CDH13: variants seen among roughly 807,000 people sequenced by gnomAD.
CDH13 encodes the protein cadherin-13.
A neutral mutation model predicts 63.8 loss-of-function variants in CDH13; 24 were observed. The ratio of observed to expected loss-of-function variants is 0.38; its 90% CI spans 0.27 to 0.53. The LOEUF (loss-of-function observed/expected upper bound fraction) is 0.53, where lower values mean the gene tolerates loss of function less well. Ranked by LOEUF, CDH13 falls within the 20% of genes least tolerant of loss-of-function variation. The pLI, the probability that CDH13 is intolerant of heterozygous loss-of-function variation, is 0.85. For missense variants in CDH13, 1,049 were observed against 903.1 expected (o/e 1.16, Z -2.07); for synonymous variants, 503 against 355.3 (o/e 1.42, Z -4.67).
chr16:82,853,994 G>C (rs1244214981), intron 1 of CDH13, among the ~76,000 whole-genome samples: 1 of 152,140 alleles, frequency 6.6e-6, no homozygotes, highest in African/African-American at 2.4e-5. Context: ...AGCAATGAGG[G>C]GTGCTGCTTT....
At chr16:82,881,244 G>C (rs1053686676) in intron 2 of CDH13, among the ~76,000 whole-genome samples, 1 of 152,166 alleles carries the variant, frequency 6.6e-6, no homozygotes, top group Non-Finnish European at 1.5e-5. Context: ...AGGGGTTCAA[G>C]CTCCCATTTG....
intron 1 of CDH13, among the ~76,000 whole-genome samples, chr16:82,636,992 C>T (rs1286711024): frequency 6.6e-6 from 1 of 152,172 alleles, no homozygotes; most frequent in Non-Finnish European, 1.5e-5. Context: ...TGAATGTTTT[C>T]ATCTGTAAAA....
intron 1 of CDH13, among the ~76,000 whole-genome samples, chr16:82,712,109 A>C (rs2031992600): frequency 1.3e-5 from 2 of 152,192 alleles, no homozygotes; most frequent in Admixed American, 1.3e-4. Context: ...ATCTTAAAAA[A>C]AACTTACCAG....
At chr16:82,707,991 G>A (rs1044467378) in intron 1 of CDH13, among the ~76,000 whole-genome samples, 9 of 152,158 alleles carry the variant, frequency 5.9e-5, no homozygotes, top group Non-Finnish European at 1.3e-4. Context: ...CGACTGGCAG[G>A]CTGGCTTTGC....
At chr16:83,718,126 C>T (rs1054292625) in intron 10 of CDH13, among the ~76,000 whole-genome samples, 30 of 152,146 alleles carry the variant, frequency 2.0e-4, no homozygotes, top group African/African-American at 6.8e-4. Context: ...CAGAAAATCC[C>T]ATAAAATACC....
intron 11 of CDH13, among the ~76,000 whole-genome samples, chr16:83,756,213 GAAC>G (rs1913494906): frequency 6.6e-6 from 1 of 152,036 alleles, no homozygotes; most frequent in African/African-American, 2.4e-5. Context: ...TGGCCAAATA[GAAC>G]AACAAGGTGA....
At chr16:83,270,567 C>A (rs779217379) in intron 5 of CDH13, among the ~76,000 whole-genome samples, 1 of 152,142 alleles carries the variant, frequency 6.6e-6, no homozygotes, top group Non-Finnish European at 1.5e-5. Flanking sequence ...CCTGAGTGCA[C>A]GCACAGCTCA....
intron 8 of CDH13, among the ~76,000 whole-genome samples, chr16:83,607,191 G>A (rs1479297114): frequency 6.6e-6 from 1 of 152,180 alleles, no homozygotes; most frequent in Middle Eastern, 3.2e-3. Flanking sequence ...GCCGAGGTGG[G>A]TGGATCCCCT....
chr16:82,889,618 C>A (rs2041010689), intron 2 of CDH13, among the ~76,000 whole-genome samples: 1 of 152,174 alleles, frequency 6.6e-6, no homozygotes, highest in Admixed American at 6.5e-5. Context: ...GCTGGTTGAT[C>A]AAATGTTGCA....
rs1038052326 is a variant in CDH13, at chr16:83,171,462, T to C, written c.484-45883T>C. On this transcript the variant is annotated intron_variant, in intron 4 of 13. Transcript: ENST00000567109. ...AGATCCAAACCATATCAAAAGCTTT[T>C]CTAATTAGGTTACTCATTCTATGAA... 3 of 1,366,088 alleles carry C rather than the reference T, an allele frequency of 2.2e-6. No individual in the cohort carries two copies. The African/African-American group carries it at 4.3e-5, about 20-fold the overall frequency. 84.6% of individuals were successfully genotyped at this position (1,366,088 alleles called of 1,614,324 possible).
At chr16:83,715,964 C>G (rs2150929438) in intron 10 of CDH13, among the ~76,000 whole-genome samples, 1 of 152,322 alleles carries the variant, frequency 6.6e-6, no homozygotes, top group East Asian at 1.9e-4. Context: ...ACTATTCTAT[C>G]AGATATTGTT....
rs3784947 is a variant in CDH13 at position 83,682,942 on chromosome 16, A to G, written c.1538+4481A>G. On this transcript the variant is annotated intron_variant, in intron 10 of 13. Coordinates refer to ENST00000567109, the MANE Select transcript of CDH13 (RefSeq NM_001257.5). ...AAGCCTTCTCCCCAACCCCAACCCCACTGAAACTTAGGAACGCACTTCCAG... is the reference window on the plus strand; with the variant it reads ...AAGCCTTCTCCCCAACCCCAACCCCGCTGAAACTTAGGAACGCACTTCCAG... Among the ~76,000 whole-genome samples the G allele has an allele frequency of 9.7e-3, 1,475 of 152,008 alleles. 78 individuals are homozygous for G. The highest frequency in any genetic ancestry group is 0.077 in the Admixed American group (1,178 of 15,278).
intron 2 of CDH13, among the ~76,000 whole-genome samples, chr16:82,888,642 C>G (rs1432743646): frequency 6.6e-6 from 1 of 152,198 alleles, no homozygotes; most frequent in Non-Finnish European, 1.5e-5. Flanking sequence ...TCCCCTAGCA[C>G]TGAAGTTCTG....
chr16:83,202,953 C>G (rs1218367007), intron 4 of CDH13, among the ~76,000 whole-genome samples: 1 of 152,094 alleles, frequency 6.6e-6, no homozygotes, highest in African/African-American at 2.4e-5. Context: ...GGGCCAGGTA[C>G]AGTGGCTCAC....
intron 3 of CDH13, among the ~76,000 whole-genome samples, chr16:83,086,946 A>T (rs1194349649): frequency 6.6e-6 from 1 of 152,244 alleles, no homozygotes; most frequent in Non-Finnish European, 1.5e-5. Context: ...AAGAGGTTTT[A>T]TTATTGACTA....
intron 7 of CDH13, among the ~76,000 whole-genome samples, chr16:83,596,443 C>A (rs1276834219): frequency 1.3e-5 from 2 of 152,066 alleles, no homozygotes; most frequent in East Asian, 3.9e-4. Context: ...TTAGTCAATT[C>A]TTGGCAAGAG....
rs560685999 is a variant in CDH13, at chr16:82,747,957, G to T, written c.46-110405G>T. 2.0e-5 allele frequency among the ~76,000 whole-genome samples: 3 copies of T among 152,300 alleles called. No homozygotes were observed. The South Asian group carries it at 6.2e-4, about 32-fold the overall frequency. ...AACCAAGGCACAATTTTAGATAGTT[G>T]ATAATACCTGGAAAAGCTTGGGCTC... On this transcript the variant is annotated intron_variant, in intron 1 of 13. Transcript: ENST00000567109.
Position 83,783,281 on chromosome 16 carries a change from A to G in CDH13, c.1943A>G (p.Gln648Arg), listed in dbSNP as rs1915655804. The G allele has an allele frequency of 1.2e-6, 2 of 1,613,828 alleles. No individual in the cohort carries two copies. Among genetic ancestry groups the G allele is most frequent in the African/African-American group, 1.3e-5 (1 of 74,914 alleles). The change falls in exon 13 of 14, where the codon CAA becomes CGA. Residue 648 changes from glutamine (Q) to arginine (R), a missense_variant. Physicochemically the swap from Gln to Arg is conservative, Grantham distance 43. Coordinates refer to ENST00000567109, the MANE Select transcript of CDH13 (RefSeq NM_001257.5). The part of the protein sequence containing the change: ...NNTHALVSLL[Q>R]NLNKANYNLP... Reference sequence around the variant, plus strand: ...ACACACGCCCTGGTAAGCCTTCTTCAAAATCTGAACAAAGCAAACTACAAC... The same window carrying G: ...ACACACGCCCTGGTAAGCCTTCTTCGAAATCTGAACAAAGCAAACTACAAC...
At chr16:83,180,755 A>C in intron 4 of CDH13, 4 of 720,708 alleles carry the variant, frequency 5.6e-6, no homozygotes, top group African/African-American at 1.8e-5. Context: ...ACTCTAGGTA[A>C]TGTTCTTTAA....
Sources: gnomAD v4.1 joint callset for allele counts (sites outside exome capture counted in the v4.1 genomes callset) on GRCh38, gnomAD v4.1.1 for gene constraint, MANE v1.5 for transcripts, NCBI Gene and HGNC (gene_info 2026-07-23, HGNC 2026-07-21) for gene names.